Variants in TRAPPC12 observed in about 807,000 individuals in gnomAD.
TRAPPC12 encodes the protein trafficking protein particle complex subunit 12.
TRAPPC12 carries 61 observed loss-of-function variants against 69.2 expected under a neutral mutation model. The ratio of observed to expected loss-of-function variants is 0.88; its 90% confidence interval spans 0.72 to 1.09. The LOEUF is 1.09. Among genes scored for constraint, TRAPPC12 ranks in the 50% least tolerant of loss-of-function variants. The probability of loss-of-function intolerance (pLI) is 0.00; values close to 1 mark genes in which losing one functional copy is unlikely to be tolerated. For synonymous variants in TRAPPC12, 469 were observed against 438.9 expected (o/e 1.07, Z -0.86); for missense variants, 1,101 against 1,016.4 (o/e 1.08, Z -1.13).
chr2:3,415,428 CAG>C (rs1662320265), intron 3 of TRAPPC12, among the ~76,000 whole-genome samples: 1 of 130,020 alleles, frequency 7.7e-6, no homozygotes, highest in African/African-American at 3.7e-5. Context: ...TCTTTTGAGA[CAG>C]AGTTTGGCTC....
rs1054276678 is a variant in TRAPPC12 at position 3,414,140 on chromosome 2, A to G, written c.1165-7741A>G. On this transcript the variant is annotated intron_variant, in intron 3 of 11. Coordinates refer to ENST00000324266, the MANE Select transcript of TRAPPC12 (RefSeq NM_016030.6). The surrounding 1 kb of genome is among the most constrained non-coding windows in gnomAD (Gnocchi z 4.9). Reference sequence around the variant, plus strand: ...TAAGCTATCTAAAATGTTTTATCATAAATTTAAATGGTTTCAAAGGATATA... The same window carrying G: ...TAAGCTATCTAAAATGTTTTATCATGAATTTAAATGGTTTCAAAGGATATA... 1.3e-5 allele frequency among the ~76,000 whole-genome samples: 2 copies of G among 152,180 alleles called. No individual in the cohort carries two copies. Among genetic ancestry groups the G allele is most frequent in the Admixed American group, 6.5e-5 (1 of 15,268 alleles).
At chr2:3,446,116 C>T (rs1322932465) in intron 6 of TRAPPC12, among the ~76,000 whole-genome samples, 1 of 152,212 alleles carries the variant, frequency 6.6e-6, no homozygotes, top group Non-Finnish European at 1.5e-5. Context: ...TCATGCTTCT[C>T]GTTCCCTCCG....
chr2:3,388,526 C>A lies in TRAPPC12; in HGVS notation c.903C>A (p.Ser301Arg), dbSNP rs753525355. Residue 301 changes from serine to arginine, a missense_variant, in exon 2 of 12, where the codon AGC becomes AGA. Coordinates refer to ENST00000324266, the MANE Select transcript of TRAPPC12 (RefSeq NM_016030.6). ...CCTTTGCCACCGCCCTGAGCATGAG[C>A]GAGATGGACCGGAGGAACGACGCCT... ...DDPFATALSMSEMDRRNDAWL... is the reference protein window; with the variant it reads ...DDPFATALSMREMDRRNDAWL... 48 of 1,612,940 alleles carry A rather than the reference C, an allele frequency of 3.0e-5. No homozygotes were observed. Among genetic ancestry groups the A allele is most frequent in the Non-Finnish European group, 4.0e-5 (47 of 1,179,734 alleles).
In TRAPPC12 at chr2:3,478,891, G is replaced by T. The variant is rs145629807; in HGVS notation, c.1923G>T (p.Arg641Ser). ...AGAATAACTTTGCAGAAGCCCACAGGTTCTTCACAGAGATCTTAAGGATGG... is the reference window on the plus strand; with the variant it reads ...AGAATAACTTTGCAGAAGCCCACAGTTTCTTCACAGAGATCTTAAGGATGG... ...LGQNNFAEAH[R>S]FFTEILRMDP... Residue 641 changes from arginine (R) to serine (S), a missense_variant, in exon 11 of 12, where the codon AGG (arginine) becomes AGT (serine). Transcript: ENST00000324266. The T allele has an allele frequency of 7.6e-5, 123 of 1,614,066 alleles. No individual in the cohort carries two copies. The highest frequency in any genetic ancestry group is 9.9e-5 in the Non-Finnish European group (117 of 1,180,050).
chr2:3,441,390 AATATTCCTTTACTATTCTTTTACTGTTC>A (rs1239055017), intron 5 of TRAPPC12, among the ~76,000 whole-genome samples: 2 of 152,130 alleles, frequency 1.3e-5, no homozygotes, highest in Admixed American at 1.3e-4. Flanking sequence ...AGCTGTTCAT[AATATTCCTTTACTATTCTTTTACTGTTC>A]ATAGGATCCA....
intron 4 of TRAPPC12, among the ~76,000 whole-genome samples, chr2:3,423,662 C>T (rs1662944050): frequency 6.6e-6 from 1 of 152,152 alleles, no homozygotes; most frequent in East Asian, 1.9e-4. Context: ...ACAGCACAAA[C>T]GACGGGATTT....
chr2:3,433,082 A>T (rs1663532988), intron 5 of TRAPPC12, among the ~76,000 whole-genome samples: 1 of 152,208 alleles, frequency 6.6e-6, no homozygotes, highest in Admixed American at 6.5e-5. Context: ...GCCACATTAA[A>T]GTCAAAAATG....
At chr2:3,380,725 A>G (rs1391551892) in intron 1 of TRAPPC12, among the ~76,000 whole-genome samples, 1 of 152,188 alleles carries the variant, frequency 6.6e-6, no homozygotes, top group Non-Finnish European at 1.5e-5. Flanking sequence ...ACATTTTGTG[A>G]TATCTGATGG....
chr2:3,466,302 C>T (rs962829609), intron 9 of TRAPPC12: 8 of 471,098 alleles, frequency 1.7e-5, no homozygotes, highest in South Asian at 3.1e-5. Flanking sequence ...TCTTAGGTCA[C>T]GTCCCAAACC....
chr2:3,479,316 A>G lies in TRAPPC12; in HGVS notation c.2063A>G (p.Tyr688Cys), dbSNP rs1666442266. 2 of 1,614,170 alleles carry G rather than the reference A, an allele frequency of 1.2e-6. No homozygotes were observed. Among genetic ancestry groups the G allele is most frequent in the Non-Finnish European group, 1.7e-6 (2 of 1,180,034 alleles). ...EAMVQQDPRH[Y>C]LHESVLFNLT... ...ATGGTCCAGCAGGACCCCAGGCACT[A>G]CCTGCACGAGAGCGTGCTCTTCAAC... Residue 688 changes from tyrosine to cysteine, a missense_variant, in exon 12 of 12, where the codon TAC becomes TGC. Transcript: ENST00000324266.
chr2:3,432,260 C>G (rs947398125), intron 5 of TRAPPC12, among the ~76,000 whole-genome samples: 9 of 152,328 alleles, frequency 5.9e-5, no homozygotes, highest in African/African-American at 1.9e-4. Flanking sequence ...TTAATCCGTG[C>G]GGATTACCAT....
intron 9 of TRAPPC12, among the ~76,000 whole-genome samples, chr2:3,470,933 T>A (rs1666032281): frequency 6.6e-6 from 1 of 152,190 alleles, no homozygotes; most frequent in South Asian, 2.1e-4. Context: ...AGGTTCTAGA[T>A]GATTCCACAC....
chr2:3,470,064 G>A (rs973872208), intron 9 of TRAPPC12, among the ~76,000 whole-genome samples: 11 of 152,174 alleles, frequency 7.2e-5, no homozygotes, highest in South Asian at 6.2e-4. Context: ...GGTGGGCATC[G>A]CGTCGATGCT....
At chr2:3,479,020 T>TGC (rs971400577) in intron 11 of TRAPPC12, 87 bp downstream of exon 11, 43 of 1,497,550 alleles carry the variant, frequency 2.9e-5, no homozygotes, top group Non-Finnish European at 3.0e-5. Context: ...AGCAGGGGCC[T>TGC]GCGCTCTCTC....
intron 9 of TRAPPC12, among the ~76,000 whole-genome samples, chr2:3,474,549 C>T (rs150828312): frequency 2.5e-3 from 387 of 152,314 alleles, no homozygotes; most frequent in Middle Eastern, 0.014. Flanking sequence ...AGACCCAGCG[C>T]ACAGTTCCAG....
At chr2:3,467,079 T>G (rs1665848563) in intron 9 of TRAPPC12, among the ~76,000 whole-genome samples, 1 of 152,218 alleles carries the variant, frequency 6.6e-6, no homozygotes, top group African/African-American at 2.4e-5. Context: ...GCCACTGGCT[T>G]GACCACAGCG....
intron 5 of TRAPPC12, among the ~76,000 whole-genome samples, chr2:3,429,334 C>T (rs970528996): frequency 3.9e-5 from 6 of 152,194 alleles, no homozygotes; most frequent in Admixed American, 1.3e-4. Context: ...GTTGGTCATA[C>T]TGGTGGAAGA....
intron 5 of TRAPPC12, among the ~76,000 whole-genome samples, chr2:3,428,530 C>T (rs1473393750): frequency 6.6e-6 from 1 of 152,064 alleles, no homozygotes; most frequent in Non-Finnish European, 1.5e-5. Flanking sequence ...AATTTTTGCC[C>T]ATTCAGAATA....
intron 1 of TRAPPC12, among the ~76,000 whole-genome samples, chr2:3,380,738 T>C (rs1170138122): frequency 2.0e-5 from 3 of 152,242 alleles, no homozygotes; most frequent in African/African-American, 7.2e-5. Context: ...TCTGATGGGA[T>C]CTTCTTCACA....
Sources: allele counts gnomAD v4.1 joint callset (sites outside exome capture counted in the v4.1 genomes callset), GRCh38; gene constraint gnomAD v4.1.1; non-coding constraint Gnocchi (gnomAD v3.1); transcripts MANE v1.5; gene names NCBI Gene and HGNC (gene_info 2026-07-23, HGNC 2026-07-21).